FAT1: variants seen among roughly 807,000 people sequenced by gnomAD.
The protein encoded by FAT1 is protocadherin Fat 1.
FAT1 carries 171 observed loss-of-function variants against 329.8 expected under a neutral mutation model. The ratio of observed to expected loss-of-function variants is 0.52; its 90% CI spans 0.46 to 0.59. The LOEUF is 0.59. FAT1 is among the 20% of genes least tolerant of loss of function. The pLI is 0.00. For synonymous variants in FAT1, 2,233 were observed against 2,228.6 expected (o/e 1.00, Z -0.06); for missense variants, 5,672 against 5,774.4 (o/e 0.98, Z 0.57).
chr4:186,605,960 T>C (rs1221527324), intron 17 of FAT1, 110 bp downstream of exon 17: 4 of 1,019,490 alleles, frequency 3.9e-6, no homozygotes, highest in African/African-American at 3.2e-5. Context: ...GAATTCTACG[T>C]TTCCCATTTT....
chr4:186,648,116 C>T (rs1348467084), intron 3 of FAT1, among the ~76,000 whole-genome samples: 1 of 152,058 alleles, frequency 6.6e-6, no homozygotes, highest in Non-Finnish European at 1.5e-5. Context: ...AGCTGTGACA[C>T]GTTCAACCCT....
intron 16 of FAT1, among the ~76,000 whole-genome samples, chr4:186,608,810 C>T (rs1306377305): frequency 6.6e-6 from 1 of 152,178 alleles, no homozygotes; most frequent in Non-Finnish European, 1.5e-5. Context: ...TATTTCTTGG[C>T]TTCTATCTGC....
At position 186,595,670 on chromosome 4, in the gene FAT1, C is replaced by A. The variant is rs1414638132; in HGVS notation, c.13138+19G>T. Reference sequence around the variant, plus strand: ...AACAAGCAAGCAAAGCGCAGTGTTGCAGCACACTGCTGCCTCACCATTGTC... The same window carrying A: ...AACAAGCAAGCAAAGCGCAGTGTTGAAGCACACTGCTGCCTCACCATTGTC... On this transcript the variant is annotated intron_variant, in intron 26 of 26. Transcript: ENST00000441802. 6.2e-7 allele frequency: 1 copy of A among 1,613,178 alleles called. No individual in the cohort carries two copies. Among genetic ancestry groups the A allele is most frequent in the South Asian group, 1.1e-5 (1 of 91,002 alleles).
Position 186,610,356 on chromosome 4 carries a change from T to C in FAT1, c.9854-341A>G, listed in dbSNP as rs959806679. On this transcript the variant is annotated intron_variant, in intron 14 of 26. Transcript: ENST00000441802. ...CTTCACTCTAATTTAATCAACAAAA[T>C]AAAAACGTAAAAATTCTATTGTGTC... Among the ~76,000 whole-genome samples the C allele has an allele frequency of 2.4e-4, 36 of 151,908 alleles. 1 individual carries two copies. The highest frequency in any genetic ancestry group is 7.4e-5 in the Non-Finnish European group (5 of 67,984).
chr4:186,624,145 AAGG>A (rs1740180868), intron 9 of FAT1, among the ~76,000 whole-genome samples: 1 of 152,194 alleles, frequency 6.6e-6, no homozygotes, highest in Admixed American at 6.5e-5. Context: ...ACGACTTCCT[AAGG>A]TGGCAGAAAA....
At chr4:186,726,674 G>A (rs1052391924), upstream of FAT1, 4 of 152,186 alleles carry the variant, frequency 2.6e-5, no homozygotes, top group African/African-American at 4.8e-5. Context: ...AGGAGTTGCG[G>A]CCGCCGGCTG....
chr4:186,699,701 A>C (rs993904395), intron 2 of FAT1, among the ~76,000 whole-genome samples: 1 of 152,218 alleles, frequency 6.6e-6, no homozygotes, highest in Non-Finnish European at 1.5e-5. Flanking sequence ...TTTGAAAAAA[A>C]AAAAAAAATG....
At position 186,603,029 on chromosome 4, in the gene FAT1, T is replaced by C. The variant is rs1738893305; in HGVS notation, c.11356A>G (p.Arg3786Gly). The C allele has an allele frequency of 1.2e-6, 2 of 1,613,870 alleles. No homozygotes were observed. The highest frequency in any genetic ancestry group is 1.7e-5 in the Admixed American group (1 of 60,004). ...RAAVCLCKEG[R>G]CPPVHHGCED... ...CAGCCATGGTGGACAGGTGGGCACCTTCCCTCTTCATTCAAAGAGGGGAGA... is the reference window on the plus strand; with the variant it reads ...CAGCCATGGTGGACAGGTGGGCACCCTCCCTCTTCATTCAAAGAGGGGAGA... Residue 3786 changes from arginine (R) to glycine (G), a missense_variant, in exon 20 of 27, where the codon AGG becomes GGG. By Grantham distance (125) the Arg-to-Gly change is moderately radical (BLOSUM62 -2). Around this residue, in one of 2 missense-constraint regions of FAT1, gnomAD observed 1,706 missense variants for 1,859.1 expected, o/e 0.92. Coordinates refer to ENST00000441802, the MANE Select transcript of FAT1 (RefSeq NM_005245.4).
At chr4:186,643,090 G>A (rs1217053652) in intron 3 of FAT1, among the ~76,000 whole-genome samples, 1 of 152,144 alleles carries the variant, frequency 6.6e-6, no homozygotes, top group Admixed American at 6.5e-5. Flanking sequence ...TGAGACCAGT[G>A]GAATTTAAAT....
chr4:186,611,554 CAG>C lies in FAT1; in HGVS notation c.9683_9684del (p.Pro3228ArgfsTer3). On this transcript the variant is annotated frameshift_variant, in exon 14 of 27. Transcript: ENST00000441802. LOFTEE classifies it high-confidence loss of function. ...GCACCATATTCACGGTACTCAAACA[CAG>C]GGGGGTTGTCATTTATGTCAAGAAC... Reference protein sequence around the residue: ...VSVLDINDNPPVFEYREYGAT... With the variant: ...VSVLDINDNPXVFEYREYGAT... 2 of 1,613,888 alleles carry C rather than the reference CAG, an allele frequency of 1.2e-6. No individual in the cohort carries two copies. The highest frequency in any genetic ancestry group is 1.7e-6 in the Non-Finnish European group (2 of 1,179,878).
chr4:186,709,579 G>A lies in FAT1; in HGVS notation c.249C>T (p.Phe83=), dbSNP rs745998808. The A allele has an allele frequency of 1.9e-6, 3 of 1,613,896 alleles. No homozygotes were observed. The highest frequency in any genetic ancestry group is 2.5e-6 in the Non-Finnish European group (3 of 1,179,884). Residue 83 remains phenylalanine (F), a synonymous_variant, in exon 2 of 27, where the codon TTC becomes TTT. Transcript: ENST00000441802. ...CTCCGAGAATGTACTCTTCAGCTTT[G>A]AACAGGTTTTCACTGTCTCCGGAAA... The part of the protein sequence containing the change: ...KIVSGDSENL[F]KAEEYILGDF...
In FAT1 at chr4:186,602,884, C is replaced by A; in HGVS notation, c.11482+19G>T. 4 of 1,596,604 alleles carry A rather than the reference C, an allele frequency of 2.5e-6. No homozygotes were observed. The highest frequency in any genetic ancestry group is 2.6e-6 in the Non-Finnish European group (3 of 1,170,182). ...CCGATTTTTAAAAATAAAAGTATAC[C>A]CAACCATTCAACTCTCACCTGGGCA... On this transcript the variant is annotated intron_variant, in intron 20 of 26. Coordinates refer to ENST00000441802, the MANE Select transcript of FAT1 (RefSeq NM_005245.4).
chr4:186,609,240 G>A lies in FAT1; in HGVS notation c.10149C>T (p.Phe3383=), dbSNP rs1294483646. ...CTTCTCCCCTGACGGGGTCAATTGT[G>A]AACGAGCTTCCTTGGTTGCCATCTA... ...SIIDGNQGSS[F]TIDPVRGEVK... is the part of the protein sequence containing the mutation. The change falls in exon 16 of 27, where the codon TTC becomes TTT. Residue 3383 remains phenylalanine (F), a synonymous_variant. Coordinates refer to ENST00000441802, the MANE Select transcript of FAT1 (RefSeq NM_005245.4). The A allele has an allele frequency of 2.5e-6, 4 of 1,614,058 alleles. No homozygotes were observed. The highest frequency in any genetic ancestry group is 2.2e-5 in the East Asian group (1 of 44,882).
chr4:186,692,096 T>C (rs536562557), intron 2 of FAT1, among the ~76,000 whole-genome samples: 4 of 152,262 alleles, frequency 2.6e-5, no homozygotes, highest in South Asian at 4.1e-4. Context: ...TTCAAAGACA[T>C]CCACTCCCAA....
chr4:186,690,673 G>C (rs1393569609), intron 2 of FAT1, among the ~76,000 whole-genome samples: 1 of 151,882 alleles, frequency 6.6e-6, no homozygotes. Context: ...CTGGGCGACA[G>C]AGTGAGACTC....
At position 186,619,195 on chromosome 4, in the gene FAT1, T is replaced by C. The variant is rs1180494769; in HGVS notation, c.7391A>G (p.Asn2464Ser). The C allele has an allele frequency of 3.7e-6, 6 of 1,613,936 alleles. No homozygotes were observed. Among genetic ancestry groups the C allele is most frequent in the Non-Finnish European group, 5.1e-6 (6 of 1,179,888 alleles). The change falls in exon 10 of 27, where the codon AAC becomes AGC. Residue 2464 changes from asparagine (N) to serine (S), a missense_variant. By Grantham distance (46) the Asn-to-Ser change is conservative. Around this residue, in one of 2 missense-constraint regions of FAT1, gnomAD observed 3,966 missense variants for 3,915.2 expected, o/e 1.01. Transcript: ENST00000441802. ...RHALKPFYSL[N>S]LSVSDGVFRS... ...AAAAACTCCATCAGACACTGACAGG[T>C]TAAGACTGTAAAATGGCTTCAGGGC...
chr4:186,617,253 ATAAG>A (rs1243753364), intron 10 of FAT1, 52 bp from the exon 11 acceptor site: 7 of 1,272,628 alleles, frequency 5.5e-6, no homozygotes, highest in African/African-American at 3.0e-5. Context: ...AAGGATAAAA[ATAAG>A]TAACAGAAAA....
rs2126506198 is a variant in FAT1 at position 186,619,501 on chromosome 4, G to A, written c.7085C>T (p.Ala2362Val). 2 of 1,613,946 alleles carry A rather than the reference G, an allele frequency of 1.2e-6. No individual in the cohort carries two copies. Among genetic ancestry groups the A allele is most frequent in the Non-Finnish European group, 1.7e-6 (2 of 1,179,890 alleles). The part of the protein sequence containing the change: ...QSRQHTIFVR[A>V]VDGGMPTLSS... ...CAGCGTGGGCATACCACCATCAACT[G>A]CCCTCACAAAAATCGTGTGCTGCCG... The change falls in exon 10 of 27, where the codon GCA (alanine) becomes GTA (valine). Residue 2362 changes from alanine (A) to valine (V), a missense_variant. Ala to Val is a moderately conservative substitution (Grantham distance 64). Coordinates refer to ENST00000441802, the MANE Select transcript of FAT1 (RefSeq NM_005245.4).
chr4:186,636,730 G>A lies in FAT1; in HGVS notation c.3827C>T (p.Ala1276Val), dbSNP rs1207137983. The A allele has an allele frequency of 1.9e-6, 3 of 1,613,758 alleles. No homozygotes were observed. Among genetic ancestry groups the A allele is most frequent in the Non-Finnish European group, 2.5e-6 (3 of 1,179,848 alleles). ...ATTGGGGCCCTCATCCTTGTCGGTG[G>A]CTATGACGTGATAGAGCGGCTCCCG... ...ARREPLYHVIATDKDEGPNAE... is the reference protein window; with the variant it reads ...ARREPLYHVIVTDKDEGPNAE... Residue 1276 changes from alanine (A) to valine (V), a missense_variant, in exon 5 of 27, where the codon GCC becomes GTC. Coordinates refer to ENST00000441802, the MANE Select transcript of FAT1 (RefSeq NM_005245.4).
Sources: gnomAD v4.1 joint callset for allele counts (sites outside exome capture counted in the v4.1 genomes callset) on GRCh38, gnomAD v4.1.1 for gene constraint, gnomAD v4.1.1 regional missense constraint, MANE v1.5 for transcripts, NCBI Gene and HGNC (gene_info 2026-07-23, HGNC 2026-07-21) for gene names.